Variants in MIPOL1 observed in about 807,000 individuals in gnomAD.
MIPOL1 encodes mirror-image polydactyly gene 1 protein.
Under a neutral mutation model 60.9 loss-of-function variants are expected in MIPOL1, and 57 were observed. The observed-to-expected ratio is 0.94, with a 90% CI of 0.76 to 1.17. The LOEUF is 1.17. MIPOL1 is among the 50% of genes most tolerant of loss of function. The probability of loss-of-function intolerance (pLI) is 0.00; values close to 1 mark genes in which losing one functional copy is unlikely to be tolerated. For missense variants in MIPOL1, 551 were observed against 511.6 expected (o/e 1.08, Z -0.74); for synonymous variants, 179 against 168.8 (o/e 1.06, Z -0.47).
chr14:37,428,967 T>C (rs2094013349), intron 11 of MIPOL1, among the ~76,000 whole-genome samples: 1 of 152,158 alleles, frequency 6.6e-6, no homozygotes, highest in African/African-American at 2.4e-5. Context: ...GGACTAACAA[T>C]ACAAAGATTT....
chr14:37,315,793 A>G (rs1484286471), intron 9 of MIPOL1, among the ~76,000 whole-genome samples: 1 of 152,076 alleles, frequency 6.6e-6, no homozygotes, highest in African/African-American at 2.4e-5. Flanking sequence ...TATTGCAGCC[A>G]TTGGGATATG....
chr14:37,487,332 C>T (rs2094963881), intron 11 of MIPOL1, among the ~76,000 whole-genome samples: 1 of 152,158 alleles, frequency 6.6e-6, no homozygotes, highest in Non-Finnish European at 1.5e-5. Context: ...GTTTTGGTAT[C>T]AGGATAATGC....
intron 10 of MIPOL1, among the ~76,000 whole-genome samples, chr14:37,405,288 C>T (rs536391503): frequency 4.6e-5 from 7 of 152,250 alleles, no homozygotes; most frequent in African/African-American, 1.7e-4. Context: ...TTAGACACTA[C>T]TCCCAAATAA....
At chr14:37,202,040 G>A (rs1566969176) in intron 1 of MIPOL1, among the ~76,000 whole-genome samples, 1 of 152,062 alleles carries the variant, frequency 6.6e-6, no homozygotes. Flanking sequence ...TACCTTTGTT[G>A]TCCGGTCTAG....
intron 11 of MIPOL1, among the ~76,000 whole-genome samples, chr14:37,439,731 A>G (rs2094213344): frequency 6.6e-6 from 1 of 152,208 alleles, no homozygotes; most frequent in Non-Finnish European, 1.5e-5. Context: ...AGTAAATCAC[A>G]TGTACAATGT....
chr14:37,285,865 T>G (rs1399167703), intron 7 of MIPOL1, among the ~76,000 whole-genome samples: 1 of 152,118 alleles, frequency 6.6e-6, no homozygotes, highest in East Asian at 1.9e-4. Flanking sequence ...GTGCTGAGAT[T>G]AGAGGCATGA....
chr14:37,355,802 A>T (rs1224921566), intron 9 of MIPOL1, among the ~76,000 whole-genome samples: 3 of 150,480 alleles, frequency 2.0e-5, no homozygotes, highest in Admixed American at 6.7e-5. Context: ...CTAGTTATAC[A>T]TTCTTCTAAA....
chr14:37,513,816 A>G (rs1483971990), intron 12 of MIPOL1, among the ~76,000 whole-genome samples: 2 of 152,192 alleles, frequency 1.3e-5, no homozygotes, highest in Non-Finnish European at 2.9e-5. Context: ...GAGTTGAGCT[A>G]CTATATGTTT....
At chr14:37,259,753 T>C (rs1164787707) in intron 3 of MIPOL1, among the ~76,000 whole-genome samples, 2 of 152,126 alleles carry the variant, frequency 1.3e-5, no homozygotes, top group African/African-American at 2.4e-5. Context: ...GAAATGGTCA[T>C]ATTTGAGAAA....
At position 37,308,495 on chromosome 14, in the gene MIPOL1, A is replaced by T. The variant is rs1463649249; in HGVS notation, c.804A>T (p.Glu268Asp). ...CAGAAGAAATGAGTGCACTAATAGA[A>T]GAACGGGATGCTGCCTTGTCTAAGG... is the stretch of plus-strand genomic sequence containing the variant. ...ITAEEMSALI[E>D]ERDAALSKCK... The change falls in exon 9 of 13, where the codon GAA becomes GAT. Residue 268 changes from glutamate (E) to aspartate (D), a missense_variant. Physicochemically the swap from Glu to Asp is conservative, Grantham distance 45 (BLOSUM62 2). Transcript: ENST00000684589. The T allele has an allele frequency of 6.3e-7, 1 of 1,589,764 alleles. No homozygotes were observed. The highest frequency in any genetic ancestry group is 1.2e-5 in the South Asian group (1 of 86,550).
At chr14:37,257,132 T>TGTGTGTGTGTGTGTG (rs1555371896) in intron 3 of MIPOL1, among the ~76,000 whole-genome samples, 6 of 149,528 alleles carry the variant, frequency 4.0e-5, no homozygotes, top group Non-Finnish European at 5.9e-5. Flanking sequence ...TGTGTGTGTG[T>TGTGTGTGTGTGTGTG]TTGAGAAACA....
chr14:37,527,215 C>T (rs2095453424), intron 12 of MIPOL1, among the ~76,000 whole-genome samples: 1 of 151,554 alleles, frequency 6.6e-6, no homozygotes, highest in Admixed American at 6.6e-5. Flanking sequence ...TGAAATTTTG[C>T]ATGTTTTTTT....
Position 37,482,536 on chromosome 14 carries a change from G to A in MIPOL1, c.1032-17372G>A, listed in dbSNP as rs2094887267. Among the ~76,000 whole-genome samples the A allele has an allele frequency of 2.0e-5, 3 of 152,242 alleles. No individual in the cohort carries two copies. The South Asian group carries it at 6.2e-4, about 32-fold the overall frequency. On this transcript the variant is annotated intron_variant, in intron 11 of 12. Coordinates refer to ENST00000684589, the MANE Select transcript of MIPOL1 (RefSeq NM_001388067.1). ...ATTTGCAATCATGGCAAAAGGTAAA[G>A]GGGAAGCAAGGACCTTCTTCACATG...
intron 10 of MIPOL1, among the ~76,000 whole-genome samples, chr14:37,398,135 C>T (rs2093412797): frequency 6.6e-6 from 1 of 152,094 alleles, no homozygotes. Context: ...CAGCAGGCTC[C>T]CAGGGCCCTT....
intron 10 of MIPOL1, among the ~76,000 whole-genome samples, chr14:37,394,089 C>G (rs1441179899): frequency 2.3e-5 from 1 of 43,192 alleles, no homozygotes; most frequent in Non-Finnish European, 5.5e-5. Context: ...TATATATCTC[C>G]ATGTTCTATC....
At chr14:37,509,722 TATACACATGTGTATCAC>T in intron 12 of MIPOL1, among the ~76,000 whole-genome samples, 1 of 151,446 alleles carries the variant, frequency 6.6e-6, no homozygotes. Context: ...TATGTACGTT[TATACACATGTGTATCAC>T]ATGCACATGT....
At chr14:37,473,857 A>G (rs2094725779) in intron 11 of MIPOL1, among the ~76,000 whole-genome samples, 1 of 109,496 alleles carries the variant, frequency 9.1e-6, no homozygotes, top group Admixed American at 9.7e-5. Context: ...GTTTCACCAT[A>G]CTAAAATACT....
intron 6 of MIPOL1, among the ~76,000 whole-genome samples, chr14:37,270,914 G>C (rs1263479027): frequency 2.6e-5 from 4 of 151,934 alleles, no homozygotes; most frequent in African/African-American, 9.7e-5. Flanking sequence ...CTTCTCCTTT[G>C]TATGAAGATA....
intron 11 of MIPOL1, among the ~76,000 whole-genome samples, chr14:37,486,648 G>C (rs982681615): frequency 6.6e-6 from 1 of 152,142 alleles, no homozygotes; most frequent in Non-Finnish European, 1.5e-5. Context: ...TGGTGTATAG[G>C]AATGCTTGTG....
Sources: allele counts gnomAD v4.1 joint callset (sites outside exome capture counted in the v4.1 genomes callset), GRCh38; gene constraint gnomAD v4.1.1; transcripts MANE v1.5; gene names NCBI Gene and HGNC (gene_info 2026-07-23, HGNC 2026-07-21).